Variants in IGF1R observed in about 807,000 individuals in gnomAD.
IGF1R encodes insulin like growth factor 1 receptor, also known as insulin-like growth factor 1 receptor.
Under a neutral mutation model 144.6 loss-of-function variants are expected in IGF1R, and 44 were observed. The observed-to-expected ratio is 0.30, with a 90% CI of 0.24 to 0.39. The LOEUF (loss-of-function observed/expected upper bound fraction) is 0.39, where lower values mean the gene tolerates loss of function less well. Ranked by LOEUF, IGF1R falls within the 10% of genes least tolerant of loss-of-function variation. The pLI, the probability that IGF1R is intolerant of heterozygous loss-of-function variation, is 1.00. For synonymous variants in IGF1R, 795 were observed against 722.8 expected, an observed-to-expected ratio of 1.10 and a Z score of -1.60; for missense variants, 1,355 against 1,833.7, an observed-to-expected ratio of 0.74 and a Z score of 4.77.
intron 1 of IGF1R, among the ~76,000 whole-genome samples, chr15:98,678,994 TCA>T (rs1283097860): frequency 6.9e-6 from 1 of 144,688 alleles, no homozygotes; most frequent in Admixed American, 6.9e-5. Flanking sequence ...TGGTCATGGC[TCA>T]CTGTAGCCCC....
intron 5 of IGF1R, among the ~76,000 whole-genome samples, chr15:98,902,646 C>T (rs550260427): frequency 4.6e-5 from 7 of 151,298 alleles, no homozygotes; most frequent in African/African-American, 1.7e-4. Flanking sequence ...AAACTCCTGA[C>T]CTTGTGATCC....
intron 2 of IGF1R, among the ~76,000 whole-genome samples, chr15:98,730,921 T>C (rs2054483199): frequency 6.6e-6 from 1 of 152,254 alleles, no homozygotes; most frequent in Non-Finnish European, 1.5e-5. Flanking sequence ...TGGTGGCTTA[T>C]GATTAGAAGA....
rs145034002 is a variant in IGF1R, at chr15:98,677,777, C to T, written c.94+28102C>T. On this transcript the variant is annotated intron_variant, in intron 1 of 20. Transcript: ENST00000650285. ...GACAGGTCAGCAAGCGCTGCTCAGC[C>T]AGTAGGCCCTGCTTCTCCTTGGCCA... Among the ~76,000 whole-genome samples, 733 of 152,276 alleles carry T rather than the reference C, an allele frequency of 4.8e-3. 5 individuals are homozygous for T. Among genetic ancestry groups the T allele is most frequent in the Non-Finnish European group, 7.4e-3 (501 of 68,018 alleles).
At position 98,823,810 on chromosome 15, in the gene IGF1R, A is replaced by C. The variant is rs546872105; in HGVS notation, c.641-67515A>C. On this transcript the variant is annotated intron_variant, in intron 2 of 20. Coordinates refer to ENST00000650285, the MANE Select transcript of IGF1R (RefSeq NM_000875.5). ...TTGTGATCCAGTAGTTAAAACTCCC[A>C]GAAAATATTTCTCACCCTGGTTTAA... Among the ~76,000 whole-genome samples, 262 of 152,306 alleles carry C rather than the reference A, an allele frequency of 1.7e-3. 3 individuals are homozygous for C. Among genetic ancestry groups the C allele is most frequent in the African/African-American group, 6.2e-3 (257 of 41,566 alleles).
At chr15:98,688,667 TA>T (rs1208697763) in intron 1 of IGF1R, among the ~76,000 whole-genome samples, 1 of 151,590 alleles carries the variant, frequency 6.6e-6, no homozygotes, top group Non-Finnish European at 1.5e-5. Context: ...TTTTTTTTTT[TA>T]AATCTGTAAA....
chr15:98,909,261 C>T (rs28387022), intron 6 of IGF1R, among the ~76,000 whole-genome samples: 108 of 91,576 alleles, frequency 1.2e-3, no homozygotes, highest in African/African-American at 2.3e-3. Context: ...CTTTTTTTTT[C>T]TTTTTTTTTT....
chr15:98,838,005 C>A (rs556431685), intron 2 of IGF1R, among the ~76,000 whole-genome samples: 3 of 152,324 alleles, frequency 2.0e-5, no homozygotes, highest in African/African-American at 7.2e-5. Flanking sequence ...TGAGAATTTA[C>A]AAAATCATTT....
rs557179562 is a variant in IGF1R, at chr15:98,964,352, T to G, written c.*6910T>G. ...AAAAAAATTTCAAAATGTTTTTGTA[T>G]ATTCTGTTGTAAGAATTTATTCCTG... On this transcript the variant is annotated 3_prime_UTR_variant, in exon 21 of 21. Coordinates refer to ENST00000650285, the MANE Select transcript of IGF1R (RefSeq NM_000875.5). 1.3e-5 allele frequency: 3 copies of G among 230,940 alleles called. No individual in the cohort carries two copies. Among genetic ancestry groups the G allele is most frequent in the Non-Finnish European group, 2.6e-5 (3 of 116,460 alleles). 14.3% of individuals were successfully genotyped at this position (230,940 alleles called of 1,614,324 possible).
At chr15:98,951,840 C>T (rs143342371) in intron 20 of IGF1R, among the ~76,000 whole-genome samples, 5 of 152,344 alleles carry the variant, frequency 3.3e-5, no homozygotes, top group East Asian at 1.9e-4. Flanking sequence ...TGGGCCCATA[C>T]GACCTTGACT....
In IGF1R at chr15:98,730,825, A is replaced by AT. The variant is rs879382002; in HGVS notation, c.640+22727dup. Among the ~76,000 whole-genome samples the AT allele has an allele frequency of 8.6e-5, 13 of 151,458 alleles. 1 individual carries two copies. The highest frequency in any genetic ancestry group is 4.2e-4 in the South Asian group (2 of 4,802). Reference sequence around the variant, plus strand: ...AATGGCAAACTTGATACCTTCCCGTATTTTTTTTTCATATTTTTCCTTGAA... The same window carrying AT: ...AATGGCAAACTTGATACCTTCCCGTATTTTTTTTTTCATATTTTTCCTTGAA... On this transcript the variant is annotated intron_variant, in intron 2 of 20. Coordinates refer to ENST00000650285, the MANE Select transcript of IGF1R (RefSeq NM_000875.5).
chr15:98,759,875 T>G (rs1204462694), intron 2 of IGF1R, among the ~76,000 whole-genome samples: 1 of 152,178 alleles, frequency 6.6e-6, no homozygotes, highest in East Asian at 1.9e-4. Context: ...ATTTTGCTAG[T>G]TTTTAATTTC....
chr15:98,717,466 G>C (rs1387381182), intron 2 of IGF1R, among the ~76,000 whole-genome samples: 1 of 152,014 alleles, frequency 6.6e-6, no homozygotes, highest in Non-Finnish European at 1.5e-5. Flanking sequence ...TTTCTAAATT[G>C]TAGAATTTCA....
chr15:98,844,853 C>T (rs1200631166), intron 2 of IGF1R, among the ~76,000 whole-genome samples: 1 of 152,100 alleles, frequency 6.6e-6, no homozygotes, highest in Non-Finnish European at 1.5e-5. Context: ...TTGAATGAAG[C>T]TTCTAAATGC....
chr15:98,935,321 A>T lies in IGF1R; in HGVS notation c.3192A>T (p.Arg1064=). The part of the protein sequence containing the change: ...MKEFNCHHVV[R]LLGVVSQGQP... ...CTCTTTTTGATTCCTCCCAGGTGCGATTGCTGGGTGTGGTGTCCCAAGGCC... is the reference window on the plus strand; with the variant it reads ...CTCTTTTTGATTCCTCCCAGGTGCGTTTGCTGGGTGTGGTGTCCCAAGGCC... The change falls in exon 17 of 21, where the codon CGA becomes CGT. Residue 1064 remains arginine (R), a synonymous_variant. Transcript: ENST00000650285. The surrounding 1 kb of genome is among the most constrained non-coding windows in gnomAD (Gnocchi z 4.2). 3 of 1,548,240 alleles carry T rather than the reference A, an allele frequency of 1.9e-6. No homozygotes were observed. The highest frequency in any genetic ancestry group is 2.6e-6 in the Non-Finnish European group (3 of 1,144,304).
intron 2 of IGF1R, among the ~76,000 whole-genome samples, chr15:98,821,286 C>T (rs1452329824): frequency 6.6e-6 from 1 of 151,840 alleles, no homozygotes; most frequent in Non-Finnish European, 1.5e-5. Context: ...ACACGCCTCC[C>T]CCCCCCCTTT....
chr15:98,778,149 G>C (rs915787637), intron 2 of IGF1R, among the ~76,000 whole-genome samples: 1 of 152,148 alleles, frequency 6.6e-6, no homozygotes, highest in Admixed American at 6.5e-5. Context: ...TTGGTGGACA[G>C]AACGGCGATG....
At chr15:98,783,072 G>C (rs1453727579) in intron 2 of IGF1R, among the ~76,000 whole-genome samples, 2 of 152,156 alleles carry the variant, frequency 1.3e-5, no homozygotes, top group African/African-American at 4.8e-5. Context: ...GCTGCTGGAG[G>C]ATGGCAAGTT....
intron 1 of IGF1R, among the ~76,000 whole-genome samples, chr15:98,650,016 C>T (rs1228138706): frequency 6.6e-6 from 1 of 152,164 alleles, no homozygotes; most frequent in Admixed American, 6.5e-5. Context: ...TCCCGGGCCC[C>T]GCGACCCGCA....
At chr15:98,764,371 A>G (rs867122833) in intron 2 of IGF1R, among the ~76,000 whole-genome samples, 1 of 152,196 alleles carries the variant, frequency 6.6e-6, no homozygotes, top group Admixed American at 6.5e-5. Context: ...TTATCACAAG[A>G]CAAGAAAGAG....
Sources: allele counts gnomAD v4.1 joint callset (sites outside exome capture counted in the v4.1 genomes callset), GRCh38; gene constraint gnomAD v4.1.1; non-coding constraint Gnocchi (gnomAD v3.1); transcripts MANE v1.5; gene names NCBI Gene and HGNC (gene_info 2026-07-23, HGNC 2026-07-21).